Variants in PPM1H observed in about 807,000 individuals in gnomAD.
PPM1H encodes the protein protein phosphatase 1H.
PPM1H carries 27 observed loss-of-function variants against 54.9 expected under a neutral mutation model. That is an observed-to-expected ratio of 0.49 (90% CI 0.36 to 0.68). PPM1H has a LOEUF of 0.68. Ranked by LOEUF, PPM1H falls within the 30% of genes least tolerant of loss-of-function variation. PPM1H has a pLI of 0.00. For synonymous variants in PPM1H, 305 were observed against 270.8 expected (o/e 1.13, Z -1.24); for missense variants, 596 against 667.8 (o/e 0.89, Z 1.19).
chr12:62,921,834 TA>T (rs929871585), intron 1 of PPM1H, among the ~76,000 whole-genome samples: 37 of 152,170 alleles, frequency 2.4e-4, no homozygotes, highest in African/African-American at 8.7e-4. Flanking sequence ...AAAACTTAGG[TA>T]AAAAAATCTC....
At chr12:62,669,094 A>G (rs1056216823) in intron 8 of PPM1H, among the ~76,000 whole-genome samples, 8 of 152,248 alleles carry the variant, frequency 5.3e-5, no homozygotes, top group Non-Finnish European at 1.0e-4. Flanking sequence ...ACTGGTGTTT[A>G]ACATCTTCTT....
chr12:62,854,141 T>C (rs560083209), intron 1 of PPM1H, among the ~76,000 whole-genome samples: 7 of 152,358 alleles, frequency 4.6e-5, no homozygotes, highest in Admixed American at 2.6e-4. Flanking sequence ...GATTTCTGTA[T>C]TGTTGAAAAG....
intron 1 of PPM1H, among the ~76,000 whole-genome samples, chr12:62,918,693 A>G (rs772336912): frequency 6.6e-6 from 1 of 152,228 alleles, no homozygotes; most frequent in Non-Finnish European, 1.5e-5. Context: ...TTTCAATAGT[A>G]AAAACTTGGC....
chr12:62,756,064 A>C lies in PPM1H; in HGVS notation c.870-18478T>G, dbSNP rs911146340. 11 of 1,206,404 alleles carry C rather than the reference A, an allele frequency of 9.1e-6. No individual in the cohort carries two copies. In the African/African-American group the frequency reaches 1.6e-4, roughly 18 times the overall value. The allele number at this position is 1,206,404 out of a possible 1,614,324, so 74.7% of individuals were successfully genotyped here. A position where few individuals can be genotyped will look rare whatever the true frequency, so the allele number is the denominator to read the frequency against. On this transcript the variant is annotated intron_variant, in intron 4 of 9. Transcript: ENST00000228705. ...GGCATCCTGGGCTACACTGAGCACC[A>C]GGTTGTCTCCTCTGATTTTAACAGC... is the stretch of plus-strand genomic sequence containing the variant.
chr12:62,757,119 C>T (rs578156349), intron 4 of PPM1H, among the ~76,000 whole-genome samples: 13 of 152,176 alleles, frequency 8.5e-5, no homozygotes, highest in East Asian at 5.8e-4. Context: ...GTTTGGTCCT[C>T]GTGAGAAGCC....
chr12:62,673,690 G>A (rs774509096), intron 8 of PPM1H, among the ~76,000 whole-genome samples: 5 of 125,394 alleles, frequency 4.0e-5, no homozygotes, highest in Admixed American at 8.9e-5. Flanking sequence ...CTTCTAACAA[G>A]CTTTGTGACT....
chr12:62,722,955 A>T (rs1592563283), intron 5 of PPM1H, among the ~76,000 whole-genome samples: 1 of 152,338 alleles, frequency 6.6e-6, no homozygotes, highest in Non-Finnish European at 1.5e-5. Flanking sequence ...GTGGGGTTAC[A>T]TCCCAGTAAA....
At chr12:62,765,194 A>C (rs1171415515) in intron 4 of PPM1H, among the ~76,000 whole-genome samples, 7 of 152,188 alleles carry the variant, frequency 4.6e-5, no homozygotes, top group Non-Finnish European at 1.0e-4. Context: ...TACATGACCA[A>C]CAGCAGTGCA....
At chr12:62,713,483 G>C (rs1188551873) in intron 6 of PPM1H, among the ~76,000 whole-genome samples, 1 of 152,146 alleles carries the variant, frequency 6.6e-6, no homozygotes, top group African/African-American at 2.4e-5. Context: ...GCAGCTTCTT[G>C]GTGGCCCAAA....
chr12:62,688,214 G>C (rs979829790), intron 8 of PPM1H, among the ~76,000 whole-genome samples: 1 of 152,056 alleles, frequency 6.6e-6, no homozygotes, highest in Admixed American at 6.6e-5. Flanking sequence ...TTGGGACAGA[G>C]GCTGCCCCTC....
At position 62,644,816 on chromosome 12, in the gene PPM1H, T is replaced by C. The variant is rs2075776289; in HGVS notation, c.*3673A>G. The C allele has an allele frequency of 6.6e-6, 1 of 152,234 alleles. No individual in the cohort carries two copies. Among genetic ancestry groups the C allele is most frequent in the Non-Finnish European group, 1.5e-5 (1 of 68,056 alleles). The allele number at this position is 152,234 out of a possible 1,614,324, so 9.4% of individuals were successfully genotyped here. On this transcript the variant is annotated 3_prime_UTR_variant, in exon 10 of 10. Coordinates refer to ENST00000228705, the MANE Select transcript of PPM1H (RefSeq NM_020700.2). Reference sequence around the variant, plus strand: ...ATTCTGTGCTGTGGCCAGAGCTCGTTTTACCATTTTCTTAGATTGGATCAC... The same window carrying C: ...ATTCTGTGCTGTGGCCAGAGCTCGTCTTACCATTTTCTTAGATTGGATCAC...
chr12:62,891,679 T>C (rs945420007), intron 1 of PPM1H, among the ~76,000 whole-genome samples: 1 of 152,204 alleles, frequency 6.6e-6, no homozygotes, highest in Non-Finnish European at 1.5e-5. Flanking sequence ...AGAGGGCCTT[T>C]AGAATAACTA....
intron 4 of PPM1H, among the ~76,000 whole-genome samples, chr12:62,765,775 G>T (rs757381245): frequency 2.6e-5 from 4 of 152,236 alleles, no homozygotes; most frequent in Non-Finnish European, 4.4e-5. Context: ...CCTCAAGGAA[G>T]AAGTGATGCT....
intron 6 of PPM1H, among the ~76,000 whole-genome samples, chr12:62,719,111 A>T (rs117786653): frequency 0.017 from 2,580 of 152,254 alleles, 36 homozygotes; most frequent in Middle Eastern, 0.037. Context: ...CAGGTGAGAA[A>T]CTTCTCTTGG....
chr12:62,656,717 A>G (rs1193733174), intron 9 of PPM1H, among the ~76,000 whole-genome samples: 1 of 152,140 alleles, frequency 6.6e-6, no homozygotes, highest in Non-Finnish European at 1.5e-5. Context: ...TGACACCCGC[A>G]GTAATACAGT....
chr12:62,680,980 G>C (rs2076016332), intron 8 of PPM1H, among the ~76,000 whole-genome samples: 1 of 152,082 alleles, frequency 6.6e-6, no homozygotes, highest in Non-Finnish European at 1.5e-5. Context: ...TCTTCCAGCA[G>C]GTAAATACTA....
At chr12:62,920,414 C>T (rs1405999466) in intron 1 of PPM1H, among the ~76,000 whole-genome samples, 1 of 151,680 alleles carries the variant, frequency 6.6e-6, no homozygotes, top group Non-Finnish European at 1.5e-5. Context: ...GCAGCCTTGA[C>T]CTGCCTAGTT....
At chr12:62,672,917 C>CA (rs2075964585) in intron 8 of PPM1H, among the ~76,000 whole-genome samples, 4 of 152,178 alleles carry the variant, frequency 2.6e-5, no homozygotes, top group Non-Finnish European at 2.9e-5. Flanking sequence ...TGAGGCAAAG[C>CA]ATAAACAGGG....
intron 8 of PPM1H, among the ~76,000 whole-genome samples, chr12:62,684,005 G>C (rs565743827): frequency 6.6e-6 from 1 of 152,254 alleles, no homozygotes; most frequent in East Asian, 1.9e-4. Context: ...AGGAGAGCCT[G>C]GGCTCCAGTG....
Sources: gnomAD v4.1 joint callset for allele counts (sites outside exome capture counted in the v4.1 genomes callset) on GRCh38, gnomAD v4.1.1 for gene constraint, MANE v1.5 for transcripts, NCBI Gene and HGNC (gene_info 2026-07-23, HGNC 2026-07-21) for gene names.